Variants in SNTG1 observed in about 807,000 individuals in gnomAD.
SNTG1 encodes the protein syntrophin gamma 1, also known as gamma-1-syntrophin.
Under a neutral mutation model 74.7 loss-of-function variants are expected in SNTG1, and 39 were observed. The observed-to-expected ratio is 0.52, with a 90% confidence interval of 0.40 to 0.68. The LOEUF (loss-of-function observed/expected upper bound fraction) is 0.68. SNTG1 is among the 30% of genes least tolerant of loss of function. The probability of loss-of-function intolerance (pLI) is 0.00; values close to 1 mark genes in which losing one functional copy is unlikely to be tolerated. For missense variants in SNTG1, 685 were observed against 609.5 expected (o/e 1.12, Z -1.30); for synonymous variants, 254 against 217.1 (o/e 1.17, Z -1.49).
At chr8:50,404,142 A>G (rs1366245847) in intron 4 of SNTG1, among the ~76,000 whole-genome samples, 1 of 152,144 alleles carries the variant, frequency 6.6e-6, no homozygotes, top group Non-Finnish European at 1.5e-5. Flanking sequence ...AACTACCTAC[A>G]AGCAACTAGA....
chr8:50,053,316 G>C (rs558617850), intron 1 of SNTG1, among the ~76,000 whole-genome samples: 4 of 152,102 alleles, frequency 2.6e-5, no homozygotes, highest in Non-Finnish European at 5.9e-5. Context: ...AAAACATTAA[G>C]CTAAGTGAAA....
chr8:50,368,768 T>G (rs1184467764), intron 2 of SNTG1, among the ~76,000 whole-genome samples: 7 of 152,052 alleles, frequency 4.6e-5, no homozygotes, highest in Admixed American at 4.6e-4. Flanking sequence ...AACAAAGAGG[T>G]TCTTCTTCAG....
chr8:50,648,731 A>G (rs1005645709), intron 13 of SNTG1, among the ~76,000 whole-genome samples: 2 of 152,140 alleles, frequency 1.3e-5, no homozygotes, highest in South Asian at 4.1e-4. Flanking sequence ...TTAGGCATAC[A>G]GTTTAATTAT....
intron 1 of SNTG1, among the ~76,000 whole-genome samples, chr8:50,003,030 G>A (rs1305600517): frequency 6.6e-6 from 1 of 152,144 alleles, no homozygotes; most frequent in Non-Finnish European, 1.5e-5. Flanking sequence ...CCACTTATAT[G>A]AAGTGTGAAG....
At chr8:49,935,215 G>GTT (rs1434745911) in intron 1 of SNTG1, among the ~76,000 whole-genome samples, 2 of 149,512 alleles carry the variant, frequency 1.3e-5, no homozygotes, top group African/African-American at 2.5e-5. Context: ...GTGTGTGTGT[G>GTT]TGTGTGTGTG....
At chr8:50,362,657 C>G (rs942700504) in intron 2 of SNTG1, among the ~76,000 whole-genome samples, 47 of 151,944 alleles carry the variant, frequency 3.1e-4, no homozygotes, top group African/African-American at 1.1e-3. Flanking sequence ...TTAGTATTCT[C>G]TTTCCCTGGT....
intron 1 of SNTG1, among the ~76,000 whole-genome samples, chr8:50,131,275 A>G (rs1300244229): frequency 1.3e-5 from 2 of 152,158 alleles, no homozygotes; most frequent in East Asian, 3.9e-4. Context: ...ACCTGGAATA[A>G]TCAAAGTGGG....
intron 1 of SNTG1, among the ~76,000 whole-genome samples, chr8:50,107,506 C>T (rs1023884245): frequency 6.6e-6 from 1 of 151,924 alleles, no homozygotes; most frequent in African/African-American, 2.4e-5. Context: ...AGTAACTTAT[C>T]TCAAACATTA....
chr8:50,534,827 T>G (rs2094296043), intron 10 of SNTG1, among the ~76,000 whole-genome samples: 1 of 152,144 alleles, frequency 6.6e-6, no homozygotes, highest in Non-Finnish European at 1.5e-5. Context: ...ATGAACATAG[T>G]AATAGCTTTG....
chr8:50,658,489 T>C, intron 14 of SNTG1, 103 bp from the exon 15 acceptor site: 1 of 710,806 alleles, frequency 1.4e-6, no homozygotes, highest in East Asian at 3.1e-5. Context: ...ACTAGATACA[T>C]CTGTGAAAGT....
chr8:49,932,043 GA>G (rs1302510909), intron 1 of SNTG1, among the ~76,000 whole-genome samples: 2 of 151,978 alleles, frequency 1.3e-5, no homozygotes, highest in African/African-American at 2.4e-5. Context: ...ATAATTAAAG[GA>G]AAAAAGTTAT....
intron 18 of SNTG1, among the ~76,000 whole-genome samples, chr8:50,769,160 C>G (rs2131776538): frequency 6.6e-6 from 1 of 151,608 alleles, no homozygotes; most frequent in African/African-American, 2.4e-5. Context: ...ACTCTGTACT[C>G]TTAACACTCT....
rs892261297 is a variant in SNTG1 at position 50,794,104 on chromosome 8, A to T, written c.*1275A>T. 6.6e-6 allele frequency: 1 copy of T among 151,744 alleles called. No individual in the cohort carries two copies. Among genetic ancestry groups the T allele is most frequent in the South Asian group, 2.1e-4 (1 of 4,828 alleles). 9.4% of individuals were successfully genotyped at this position (151,744 alleles called of 1,614,324 possible). ...ACAGCTTTTTTGAGATATTTTAAAA[A>T]GTCAGCTGTGTATGTAAAAAAAAAA... On this transcript the variant is annotated 3_prime_UTR_variant, in exon 19 of 19. Coordinates refer to ENST00000642720, the MANE Select transcript of SNTG1 (RefSeq NM_018967.5).
chr8:50,439,840 A>C (rs564945106), intron 5 of SNTG1, among the ~76,000 whole-genome samples: 78 of 151,346 alleles, frequency 5.2e-4, no homozygotes, highest in Admixed American at 1.4e-3. Context: ...TTCATCTGAA[A>C]TCATCATTTT....
intron 2 of SNTG1, among the ~76,000 whole-genome samples, chr8:50,274,210 C>G (rs540869358): frequency 2.3e-4 from 35 of 152,116 alleles, no homozygotes; most frequent in African/African-American, 7.2e-4. Context: ...CCTCAGCCCC[C>G]CTAGTAGCTG....
At chr8:50,295,414 G>C (rs1319661814) in intron 2 of SNTG1, among the ~76,000 whole-genome samples, 2 of 152,120 alleles carry the variant, frequency 1.3e-5, no homozygotes, top group African/African-American at 4.8e-5. Flanking sequence ...TTACCTTAAA[G>C]GATATTTTTC....
chr8:50,298,976 C>A (rs1317501401), intron 2 of SNTG1, among the ~76,000 whole-genome samples: 1 of 152,068 alleles, frequency 6.6e-6, no homozygotes, highest in Non-Finnish European at 1.5e-5. Flanking sequence ...TATTGAAGTT[C>A]ACGTTGTTTT....
chr8:49,962,905 A>T (rs550484864), intron 1 of SNTG1, among the ~76,000 whole-genome samples: 15 of 152,308 alleles, frequency 9.8e-5, no homozygotes, highest in South Asian at 6.2e-4. Context: ...GAGTGGTTCT[A>T]ACCACAGATT....
At chr8:50,385,904 T>A (rs1053664903) in intron 2 of SNTG1, among the ~76,000 whole-genome samples, 7 of 152,216 alleles carry the variant, frequency 4.6e-5, no homozygotes, top group Non-Finnish European at 1.0e-4. Context: ...GTCTTCTGCA[T>A]AGGCCAAGTA....
Sources: allele counts gnomAD v4.1 joint callset (sites outside exome capture counted in the v4.1 genomes callset), GRCh38; gene constraint gnomAD v4.1.1; transcripts MANE v1.5; gene names NCBI Gene and HGNC (gene_info 2026-07-23, HGNC 2026-07-21).